Variants in SULT1C4 observed in about 807,000 individuals in gnomAD.
SULT1C4 encodes sulfotransferase family 1C member 4, also known as sulfotransferase 1C4.
A neutral mutation model predicts 34.8 loss-of-function variants in SULT1C4; 32 were observed. The observed-to-expected ratio is 0.92, with a 90% CI of 0.69 to 1.23. The LOEUF (loss-of-function observed/expected upper bound fraction) is 1.23. Among genes scored for constraint, SULT1C4 ranks in the 50% most tolerant of loss-of-function variants. The pLI, the probability that SULT1C4 is intolerant of heterozygous loss-of-function variation, is 0.00. For missense variants in SULT1C4, 375 were observed against 365.9 expected (o/e 1.02, Z -0.20); for synonymous variants, 111 against 120.5 (o/e 0.92, Z 0.51).
intron 1 of SULT1C4, among the ~76,000 whole-genome samples, chr2:108,380,439 A>G (rs907776647): frequency 1.3e-5 from 2 of 152,166 alleles, no homozygotes; most frequent in Non-Finnish European, 2.9e-5. Flanking sequence ...CATTGAGCCC[A>G]GGAGTTGGAG....
At position 108,383,072 on chromosome 2, in the gene SULT1C4, C is replaced by A. The variant is rs1233594693; in HGVS notation, c.394-21C>A. On this transcript the variant is annotated intron_variant, in intron 3 of 6. Transcript: ENST00000272452. ...TCCTGTTTTTTTGCTTCTTCCCTTCCCCTCCCCTCATCATTCCCAGATAAT... is the reference window on the plus strand; with the variant it reads ...TCCTGTTTTTTTGCTTCTTCCCTTCACCTCCCCTCATCATTCCCAGATAAT... 5 of 1,546,402 alleles carry A rather than the reference C, an allele frequency of 3.2e-6. No homozygotes were observed. In the East Asian group the frequency reaches 1.2e-4, roughly 36 times the overall value.
intron 1 of SULT1C4, among the ~76,000 whole-genome samples, chr2:108,379,393 T>G (rs1678329896): frequency 6.6e-6 from 1 of 152,242 alleles, no homozygotes; most frequent in African/African-American, 2.4e-5. Flanking sequence ...ATTTTGGTCC[T>G]GATTTCCCAA....
chr2:108,383,324 G>A lies in SULT1C4; in HGVS notation c.521-92G>A, dbSNP rs907495027. ...CAGCAGGGGCTCTGCCTTCTTTAATGGAACATTCTCACTTCTCTTCAGGAA... is the reference window on the plus strand; with the variant it reads ...CAGCAGGGGCTCTGCCTTCTTTAATAGAACATTCTCACTTCTCTTCAGGAA... On this transcript the variant is annotated intron_variant, in intron 4 of 6. Transcript: ENST00000272452. 6.3e-6 allele frequency: 10 copies of A among 1,586,464 alleles called. No homozygotes were observed. In the Admixed American group the frequency reaches 1.6e-4, roughly 26 times the overall value.
intron 3 of SULT1C4, 55 bp from the exon 4 acceptor site, chr2:108,383,038 A>T (rs1678456395): frequency 1.3e-6 from 2 of 1,517,018 alleles, no homozygotes; most frequent in Non-Finnish European, 8.8e-7. Context: ...AAAAAAAAAA[A>T]AAAAAAATTC....
intron 3 of SULT1C4, 32 bp from the exon 4 acceptor site, chr2:108,383,061 T>G (rs765276545): frequency 1.2e-5 from 18 of 1,534,482 alleles, no homozygotes; most frequent in Admixed American, 6.8e-5. Context: ...GTTTTTTTGC[T>G]TCTTCCCTTC....
intron 1 of SULT1C4, among the ~76,000 whole-genome samples, chr2:108,381,426 C>T (rs1678388870): frequency 6.6e-6 from 1 of 152,044 alleles, no homozygotes; most frequent in Admixed American, 6.6e-5. Context: ...CACTTGCAAG[C>T]AGATCACTTG....
chr2:108,387,351 C>A lies in SULT1C4; in HGVS notation c.828C>A (p.Thr276=). 1 of 1,613,514 alleles carries A rather than the reference C, an allele frequency of 6.2e-7. No individual in the cohort carries two copies. The highest frequency in any genetic ancestry group is 8.5e-7 in the Non-Finnish European group (1 of 1,179,758). The change falls in exon 7 of 7, where the codon ACC becomes ACA. Residue 276 remains threonine, a synonymous_variant. Coordinates refer to ENST00000272452, the MANE Select transcript of SULT1C4 (RefSeq NM_006588.4). ...TGGGAGACTGGAAGAAACACTTCAC[C>A]GTGGCTCAGAATGAGAGATTTGATG... is the stretch of plus-strand genomic sequence containing the variant. The part of the protein sequence containing the change: ...GAVGDWKKHF[T]VAQNERFDED...
In SULT1C4 at chr2:108,380,661, G is replaced by T. The variant is rs1678362518; in HGVS notation, c.170-1101G>T. Among the ~76,000 whole-genome samples the T allele has an allele frequency of 1.3e-5, 2 of 152,240 alleles. 1 individual carries two copies. Among genetic ancestry groups the T allele is most frequent in the Admixed American group, 1.3e-4 (2 of 15,288 alleles). Reference sequence around the variant, plus strand: ...AATATCACTGTATCAGTCAGGATCAGTGCAAGACACAGACAGACTGAAGCT... The same window carrying T: ...AATATCACTGTATCAGTCAGGATCATTGCAAGACACAGACAGACTGAAGCT... On this transcript the variant is annotated intron_variant, in intron 1 of 6. Transcript: ENST00000272452.
chr2:108,380,284 C>T (rs1400267097), intron 1 of SULT1C4, among the ~76,000 whole-genome samples: 3 of 152,050 alleles, frequency 2.0e-5, no homozygotes, highest in African/African-American at 7.2e-5. Context: ...GAGGCCAAGA[C>T]AGGGGGATCT....
chr2:108,386,888 T>A (rs1414996269), intron 6 of SULT1C4, among the ~76,000 whole-genome samples: 2 of 152,226 alleles, frequency 1.3e-5, no homozygotes, highest in African/African-American at 2.4e-5. Flanking sequence ...TAACAGGGAT[T>A]ACAATTAGAG....
intron 3 of SULT1C4, 174 bp from the exon 4 acceptor site, chr2:108,382,919 A>G: frequency 2.2e-6 from 1 of 461,768 alleles, no homozygotes; most frequent in Non-Finnish European, 3.4e-6. Context: ...AAAAAAAAAA[A>G]AAAAAAAAAA....
chr2:108,383,047 T>A, intron 3 of SULT1C4, 46 bp from the exon 4 acceptor site: 1 of 1,484,056 alleles, frequency 6.7e-7, no homozygotes, highest in Non-Finnish European at 8.9e-7. Context: ...AAAAAAAAAT[T>A]CCTGTTTTTT....
chr2:108,381,216 A>G (rs779492790), intron 1 of SULT1C4, among the ~76,000 whole-genome samples: 13 of 152,234 alleles, frequency 8.5e-5, no homozygotes, highest in Non-Finnish European at 1.8e-4. Context: ...ACAGAAAAAA[A>G]TAAATGTATA....
At chr2:108,385,866 T>C (rs945096497) in intron 5 of SULT1C4, among the ~76,000 whole-genome samples, 2 of 152,234 alleles carry the variant, frequency 1.3e-5, no homozygotes, top group South Asian at 2.1e-4. Flanking sequence ...GCTTCTGAAA[T>C]GCCTTGAGCA....
intron 3 of SULT1C4, 133 bp downstream of exon 3, chr2:108,382,615 G>A (rs1410629336): frequency 1.9e-5 from 14 of 747,212 alleles, no homozygotes; most frequent in Non-Finnish European, 2.9e-5. Context: ...AAATTAATAT[G>A]AATCCTAGCC....
At chr2:108,382,777 C>G (rs763121665) in intron 3 of SULT1C4, 11 of 382,982 alleles carry the variant, frequency 2.9e-5, no homozygotes, top group Non-Finnish European at 4.7e-5. Context: ...GTGACACATG[C>G]CTGTAATCCA....
intron 1 of SULT1C4, among the ~76,000 whole-genome samples, chr2:108,381,341 A>C (rs1678384872): frequency 6.6e-6 from 1 of 152,136 alleles, no homozygotes; most frequent in Non-Finnish European, 1.5e-5. Context: ...CTAGCTTTTA[A>C]ATTCACATAG....
In SULT1C4 at chr2:108,387,671, A is replaced by G; in HGVS notation, c.*239A>G. 1 of 420,858 alleles carries G rather than the reference A, an allele frequency of 2.4e-6. No homozygotes were observed. The highest frequency in any genetic ancestry group is 4.3e-5 in the Admixed American group (1 of 23,468). 26.1% of individuals were successfully genotyped at this position (420,858 alleles called of 1,614,324 possible). A position where few individuals can be genotyped will look rare whatever the true frequency, so the allele number is the denominator to read the frequency against. On this transcript the variant is annotated 3_prime_UTR_variant, in exon 7 of 7. Transcript: ENST00000272452. ...ATAAATCACTAGGTACAATCCTGGT[A>G]TCATTGCCAATTATCATCATATTTA...
rs41463946 is a variant in SULT1C4 at position 108,388,081 on chromosome 2, G to C, written c.*649G>C. ...CTCCCAAAGTGCTGAGATTACAGGC[G>C]TGAGCCACTGCGCCCAGCCGGTTCA... is the stretch of plus-strand genomic sequence containing the variant. On this transcript the variant is annotated 3_prime_UTR_variant, in exon 7 of 7. Transcript: ENST00000272452. 6.6e-6 allele frequency: 1 copy of C among 152,132 alleles called. No homozygotes were observed. The highest frequency in any genetic ancestry group is 2.4e-5 in the African/African-American group (1 of 41,352). 9.4% of individuals were successfully genotyped at this position (152,132 alleles called of 1,614,324 possible). A position where few individuals can be genotyped will look rare whatever the true frequency, so the allele number is the denominator to read the frequency against.
Sources: allele counts gnomAD v4.1 joint callset (sites outside exome capture counted in the v4.1 genomes callset), GRCh38; gene constraint gnomAD v4.1.1; transcripts MANE v1.5; gene names NCBI Gene and HGNC (gene_info 2026-07-23, HGNC 2026-07-21).